Variants in DIAPH3 observed in about 807,000 individuals in gnomAD.
The protein encoded by DIAPH3 is protein diaphanous homolog 3.
A neutral mutation model predicts 144.3 loss-of-function variants in DIAPH3; 117 were observed. The ratio of observed to expected loss-of-function variants is 0.81; its 90% confidence interval spans 0.70 to 0.95. The LOEUF (loss-of-function observed/expected upper bound fraction) is 0.95, where lower values mean the gene tolerates loss of function less well. Ranked by LOEUF, DIAPH3 falls within the 40% of genes least tolerant of loss-of-function variation. The probability of loss-of-function intolerance (pLI) is 0.00; values close to 1 mark genes in which losing one functional copy is unlikely to be tolerated. For synonymous variants in DIAPH3, 519 were observed against 488.9 expected (o/e 1.06, Z -0.81); for missense variants, 1,421 against 1,412.7 (o/e 1.01, Z -0.09).
intron 20 of DIAPH3, among the ~76,000 whole-genome samples, chr13:59,893,284 C>A (rs1420091384): frequency 6.6e-6 from 1 of 152,078 alleles, no homozygotes; most frequent in African/African-American, 2.4e-5. Flanking sequence ...AACAAACACA[C>A]TATAAGCATG....
intron 1 of DIAPH3, among the ~76,000 whole-genome samples, chr13:60,145,463 C>T (rs1951464873): frequency 6.6e-6 from 1 of 152,134 alleles, no homozygotes; most frequent in African/African-American, 2.4e-5. Context: ...CTGGCTAACA[C>T]AGTGAAACCC....
At chr13:59,944,006 G>T (rs1224082042) in intron 17 of DIAPH3, among the ~76,000 whole-genome samples, 1 of 152,036 alleles carries the variant, frequency 6.6e-6, no homozygotes, top group South Asian at 2.1e-4. Flanking sequence ...GAGGCCAGGA[G>T]TTCAAGACCA....
intron 24 of DIAPH3, among the ~76,000 whole-genome samples, chr13:59,828,030 A>G (rs1162526886): frequency 6.6e-6 from 1 of 152,050 alleles, no homozygotes; most frequent in Non-Finnish European, 1.5e-5. Flanking sequence ...GAAAACAATG[A>G]TTAATGCTAT....
At chr13:59,900,602 G>C (rs1396488933) in intron 20 of DIAPH3, among the ~76,000 whole-genome samples, 1 of 152,260 alleles carries the variant, frequency 6.6e-6, no homozygotes, top group African/African-American at 2.4e-5. Flanking sequence ...CCTCTCCAGG[G>C]AGAAGACTGA....
intron 1 of DIAPH3, among the ~76,000 whole-genome samples, chr13:60,136,684 C>G (rs564014565): frequency 6.6e-6 from 1 of 152,112 alleles, no homozygotes; most frequent in African/African-American, 2.4e-5. Context: ...GCCTGTAATC[C>G]CAGCACTTTG....
intron 25 of DIAPH3, among the ~76,000 whole-genome samples, chr13:59,778,580 G>A (rs900974605): frequency 4.6e-5 from 7 of 152,198 alleles, no homozygotes; most frequent in East Asian, 1.9e-4. Context: ...ATACATTCCC[G>A]CCACCATTCT....
At chr13:59,783,237 G>GAAATCTTGTCTAAAAT (rs1196573848) in intron 25 of DIAPH3, among the ~76,000 whole-genome samples, 1 of 152,116 alleles carries the variant, frequency 6.6e-6, no homozygotes, top group East Asian at 1.9e-4. Context: ...GAGACATAGA[G>GAAATCTTGTCTAAAAT]AAATCTTGGT....
intron 9 of DIAPH3, among the ~76,000 whole-genome samples, chr13:59,994,707 T>C (rs1258461362): frequency 6.6e-6 from 1 of 151,926 alleles, no homozygotes; most frequent in East Asian, 1.9e-4. Context: ...GGAATTAACA[T>C]GTTCAAAGAC....
At chr13:59,892,273 C>G (rs960534794) in intron 20 of DIAPH3, among the ~76,000 whole-genome samples, 1 of 151,520 alleles carries the variant, frequency 6.6e-6, no homozygotes, top group Non-Finnish European at 1.5e-5. Context: ...AAGAGGAAAA[C>G]CTAAAATGAG....
intron 4 of DIAPH3, among the ~76,000 whole-genome samples, chr13:60,076,325 C>T (rs775978366): frequency 3.9e-5 from 6 of 152,126 alleles, no homozygotes; most frequent in African/African-American, 1.4e-4. Context: ...CCTCTCTCTC[C>T]GAAGAAACCC....
intron 25 of DIAPH3, among the ~76,000 whole-genome samples, chr13:59,779,814 G>A (rs540984317): frequency 6.6e-4 from 100 of 152,084 alleles, no homozygotes; most frequent in Non-Finnish European, 1.0e-3. Flanking sequence ...GCGCACGGCC[G>A]AGGGAAGTCT....
intron 9 of DIAPH3, among the ~76,000 whole-genome samples, chr13:59,998,168 C>T (rs1337994506): frequency 6.6e-6 from 1 of 152,026 alleles, no homozygotes; most frequent in Non-Finnish European, 1.5e-5. Flanking sequence ...ACTGCATATA[C>T]CCCACATTGA....
intron 2 of DIAPH3, among the ~76,000 whole-genome samples, chr13:60,115,099 A>G (rs1238742111): frequency 6.6e-6 from 1 of 152,200 alleles, no homozygotes; most frequent in African/African-American, 2.4e-5. Context: ...TAAGAAAGAA[A>G]AAATACATTT....
Position 60,163,926 on chromosome 13 carries a change from T to G in DIAPH3, c.-160A>C. ...TGAAGTCGGGGCCGCAGCCAACACA[T>G]CTGAAAACTCCCGCCACCCGTGTTG... On this transcript the variant is annotated 5_prime_UTR_variant, in exon 1 of 28. The change abolishes an upstream ATG in the 5' untranslated region. Transcript: ENST00000400324. 1.1e-6 allele frequency: 1 copy of G among 912,854 alleles called. No individual in the cohort carries two copies. The highest frequency in any genetic ancestry group is 1.6e-6 in the Non-Finnish European group (1 of 627,154). 56.5% of individuals were successfully genotyped at this position (912,854 alleles called of 1,614,324 possible). A position where few individuals can be genotyped will look rare whatever the true frequency, so the allele number is the denominator to read the frequency against.
intron 27 of DIAPH3, among the ~76,000 whole-genome samples, chr13:59,756,522 C>T (rs2037282853): frequency 1.9e-5 from 2 of 102,970 alleles, no homozygotes; most frequent in Admixed American, 3.0e-4. Flanking sequence ...GGTAGTCAGG[C>T]AGGCAGGGAG....
chr13:59,982,700 A>G (rs1008685894), intron 13 of DIAPH3, among the ~76,000 whole-genome samples: 30 of 151,678 alleles, frequency 2.0e-4, no homozygotes, highest in Non-Finnish European at 3.5e-4. Context: ...CACATATCAT[A>G]TCAATTAACT....
chr13:59,694,037 A>G (rs2033671717), intron 27 of DIAPH3, among the ~76,000 whole-genome samples: 1 of 152,170 alleles, frequency 6.6e-6, no homozygotes, highest in African/African-American at 2.4e-5. Context: ...ATATAAACCA[A>G]AGTCACCAAA....
At chr13:59,838,934 CCCTG>C (rs2042186330) in intron 23 of DIAPH3, 1 of 193,498 alleles carries the variant, frequency 5.2e-6, no homozygotes, top group Non-Finnish European at 1.1e-5. Context: ...TATGGTGAAA[CCCTG>C]TCTCTACTAA....
chr13:59,826,427 C>G (rs915830026), intron 24 of DIAPH3, among the ~76,000 whole-genome samples: 1 of 150,390 alleles, frequency 6.6e-6, no homozygotes, highest in Non-Finnish European at 1.5e-5. Context: ...AACTCCCATT[C>G]ACAATTGCTT....
Sources: gnomAD v4.1 joint callset for allele counts (sites outside exome capture counted in the v4.1 genomes callset) on GRCh38, gnomAD v4.1.1 for gene constraint, MANE v1.5 for transcripts, NCBI Gene and HGNC (gene_info 2026-07-23, HGNC 2026-07-21) for gene names.